ACYP2: variants seen among roughly 807,000 people sequenced by gnomAD.
The protein encoded by ACYP2 is acylphosphatase 2, also known as acylphosphatase-2.
ACYP2 carries 12 observed loss-of-function variants against 11.2 expected under a neutral mutation model. That is an observed-to-expected ratio of 1.08 (90% CI 0.69 to 1.74). The LOEUF (loss-of-function observed/expected upper bound fraction) is 1.74. Ranked by LOEUF, ACYP2 falls within the 40% of genes most tolerant of loss-of-function variation. The pLI is 0.00. For missense variants in ACYP2, 134 were observed against 101.9 expected (o/e 1.31, Z -1.35); for synonymous variants, 43 against 32.2 (o/e 1.33, Z -1.13).
intron 2 of ACYP2, among the ~76,000 whole-genome samples, chr2:54,041,506 G>A (rs1287583311): frequency 6.6e-6 from 1 of 152,214 alleles, no homozygotes; most frequent in Admixed American, 6.5e-5. Context: ...CAGTGTGGTT[G>A]TTAGCAGCAT....
In ACYP2 at chr2:53,971,124, C is replaced by A. The variant is rs1048695513; in HGVS notation, c.-234C>A. Reference sequence around the variant, plus strand: ...TCGGGGGAGGCGGTGGTGGCGGCAGCTGGAGCCCAACGGGCTGCGCCTTCT... The same window carrying A: ...TCGGGGGAGGCGGTGGTGGCGGCAGATGGAGCCCAACGGGCTGCGCCTTCT... On this transcript the variant is annotated 5_prime_UTR_variant, in exon 1 of 7. Coordinates refer to ENST00000607452, the MANE Select transcript of ACYP2 (RefSeq NM_001320586.2). 10 of 228,426 alleles carry A rather than the reference C, an allele frequency of 4.4e-5. No individual in the cohort carries two copies. The highest frequency in any genetic ancestry group is 8.5e-5 in the Non-Finnish European group (10 of 118,338). 14.1% of individuals were successfully genotyped at this position (228,426 alleles called of 1,614,324 possible). A position where few individuals can be genotyped will look rare whatever the true frequency, so the allele number is the denominator to read the frequency against.
chr2:54,286,060 G>A (rs531773149), intron 6 of ACYP2, among the ~76,000 whole-genome samples: 2 of 152,338 alleles, frequency 1.3e-5, no homozygotes, highest in East Asian at 3.9e-4. Flanking sequence ...TACTGTAAGT[G>A]AGAAATGCAT....
intron 2 of ACYP2, among the ~76,000 whole-genome samples, chr2:53,978,826 G>A (rs1197385467): frequency 6.6e-6 from 1 of 152,180 alleles, no homozygotes; most frequent in Admixed American, 6.5e-5. Flanking sequence ...AGGAGTCTGA[G>A]GTGGGAGGAT....
chr2:54,096,780 G>C (rs1678612485), intron 4 of ACYP2, among the ~76,000 whole-genome samples: 1 of 152,134 alleles, frequency 6.6e-6, no homozygotes, highest in Non-Finnish European at 1.5e-5. Context: ...TGAGATGGCA[G>C]CAGTACAGTC....
chr2:54,219,905 A>ATT (rs1169547989), intron 6 of ACYP2, among the ~76,000 whole-genome samples: 130 of 75,976 alleles, frequency 1.7e-3, no homozygotes, highest in South Asian at 6.1e-3. Context: ...ATATATATAT[A>ATT]TTTTTTTTTT....
intron 6 of ACYP2, among the ~76,000 whole-genome samples, chr2:54,175,639 T>A (rs540272265): frequency 1.3e-5 from 2 of 152,236 alleles, no homozygotes; most frequent in East Asian, 3.9e-4. Flanking sequence ...GTGCTGGGAT[T>A]ACAGGCATGA....
intron 2 of ACYP2, among the ~76,000 whole-genome samples, chr2:53,979,801 C>T (rs2104509198): frequency 6.6e-6 from 1 of 151,828 alleles, no homozygotes; most frequent in Middle Eastern, 3.4e-3. Context: ...TCAAGGGATC[C>T]TCCCACCTCA....
chr2:54,202,706 CTTTTTTTTTTTTTTTTTTTTTTT>C lies in ACYP2; in HGVS notation c.404+63977_404+63999del, dbSNP rs70944152. On this transcript the variant is annotated intron_variant, in intron 6 of 6. Transcript: ENST00000607452. Reference sequence around the variant, plus strand: ...TACAGGTGTGAGCCACGGCGCCTGGCTTTTTTTTTTTTTTTTTTTTTTTTTTTTTTTTTTTTTTTTTGAGATGA... The same window carrying C: ...TACAGGTGTGAGCCACGGCGCCTGGCTTTTTTTTTTTTTTTTTTGAGATGA... Among the ~76,000 whole-genome samples, 111 of 43,080 alleles carry C rather than the reference CTTTTTTTTTTTTTTTTTTTTTTT, an allele frequency of 2.6e-3. 1 individual carries two copies. Among genetic ancestry groups the C allele is most frequent in the Middle Eastern group, 0.016 (1 of 62 alleles). The allele number at this position is 43,080 out of a possible 152,430, so 28.3% of individuals were successfully genotyped here.
intron 6 of ACYP2, among the ~76,000 whole-genome samples, chr2:54,245,445 G>A (rs1358627306): frequency 6.6e-6 from 1 of 152,082 alleles, no homozygotes; most frequent in Non-Finnish European, 1.5e-5. Flanking sequence ...GCAGTTTTTT[G>A]AGGAATATTG....
At chr2:54,065,719 G>A (rs373298612) in intron 4 of ACYP2, 13 of 386,482 alleles carry the variant, frequency 3.4e-5, no homozygotes, top group Middle Eastern at 1.3e-3. Context: ...GGCTGTAGCC[G>A]GAAAGTGATA....
rs1341690224 is a variant in ACYP2 at position 54,096,162 on chromosome 2, G to A, written c.277+38802G>A. Among the ~76,000 whole-genome samples, 8 of 145,786 alleles carry A rather than the reference G, an allele frequency of 5.5e-5. No homozygotes were observed. The South Asian group carries it at 1.1e-3, about 21-fold the overall frequency. ...GGGCTCCTCACTTCTCGGACGGGGCGGCTGCCGGGTGGAGGGGCTCCTCAC... is the reference window on the plus strand; with the variant it reads ...GGGCTCCTCACTTCTCGGACGGGGCAGCTGCCGGGTGGAGGGGCTCCTCAC... On this transcript the variant is annotated intron_variant, in intron 4 of 6. Transcript: ENST00000607452.
chr2:54,201,594 C>CTTTCTTTCTTT (rs57144917), intron 6 of ACYP2, among the ~76,000 whole-genome samples: 1 of 95,742 alleles, frequency 1.0e-5, no homozygotes, highest in African/African-American at 4.0e-5. Flanking sequence ...TTCTTTCTTT[C>CTTTCTTTCTTT]TCTTTCTTTC....
At chr2:54,053,984 G>GTTGA (rs1180364172) in intron 3 of ACYP2, among the ~76,000 whole-genome samples, 1 of 152,178 alleles carries the variant, frequency 6.6e-6, no homozygotes, top group Non-Finnish European at 1.5e-5. Context: ...GAAACTTGAT[G>GTTGA]TTGATACTGG....
chr2:54,269,920 A>T (rs1278974316), intron 6 of ACYP2, among the ~76,000 whole-genome samples: 4 of 152,212 alleles, frequency 2.6e-5, no homozygotes. Context: ...ACTATATAAC[A>T]GTCTGTTGAG....
intron 4 of ACYP2, among the ~76,000 whole-genome samples, chr2:54,106,710 A>C (rs1333853717): frequency 6.6e-6 from 1 of 151,958 alleles, no homozygotes; most frequent in Non-Finnish European, 1.5e-5. Flanking sequence ...CTGCCTCCTG[A>C]GTAGCTGGGA....
rs562700297 is a variant in ACYP2 at position 54,288,183 on chromosome 2, G to A, written c.405-16505G>A. Among the ~76,000 whole-genome samples, 8 of 151,968 alleles carry A rather than the reference G, an allele frequency of 5.3e-5. No homozygotes were observed. The South Asian group carries it at 1.5e-3, about 28-fold the overall frequency. On this transcript the variant is annotated intron_variant, in intron 6 of 6. Coordinates refer to ENST00000607452, the MANE Select transcript of ACYP2 (RefSeq NM_001320586.2). ...TTCAAAGCAAGCTGCCTTAAGATGT[G>A]GTCTGTAAAGATACTACAATTAAGT...
At chr2:54,180,196 G>C (rs918852052) in intron 6 of ACYP2, among the ~76,000 whole-genome samples, 2 of 152,110 alleles carry the variant, frequency 1.3e-5, no homozygotes, top group East Asian at 3.9e-4. Flanking sequence ...GAAGTCTCCA[G>C]GTGCTTAGCT....
At chr2:53,985,336 G>A (rs1338180263) in intron 2 of ACYP2, among the ~76,000 whole-genome samples, 1 of 151,954 alleles carries the variant, frequency 6.6e-6, no homozygotes, top group Non-Finnish European at 1.5e-5. Flanking sequence ...CAAAGTGCTG[G>A]GATTACAGGT....
chr2:54,085,055 C>T (rs1333276757), intron 4 of ACYP2: 2 of 152,168 alleles, frequency 1.3e-5, no homozygotes, highest in Non-Finnish European at 2.9e-5. Flanking sequence ...AACAATACAG[C>T]AAGTCCTCAA....
Sources: gnomAD v4.1 joint callset for allele counts (sites outside exome capture counted in the v4.1 genomes callset) on GRCh38, gnomAD v4.1.1 for gene constraint, MANE v1.5 for transcripts, NCBI Gene and HGNC (gene_info 2026-07-23, HGNC 2026-07-21) for gene names.